Variants in EPS15 observed in about 807,000 individuals in gnomAD.
EPS15 encodes epidermal growth factor receptor substrate 15.
EPS15 carries 72 observed loss-of-function variants against 113.8 expected under a neutral mutation model. The observed-to-expected ratio is 0.63, with a 90% CI of 0.52 to 0.77. EPS15 has a LOEUF of 0.77. Ranked by LOEUF, EPS15 falls within the 30% of genes least tolerant of loss-of-function variation. The pLI, the probability that EPS15 is intolerant of heterozygous loss-of-function variation, is 0.00. For synonymous variants in EPS15, 344 were observed against 363.4 expected, an observed-to-expected ratio of 0.95 and a Z score of 0.61; for missense variants, 1,048 against 1,045.8, an observed-to-expected ratio of 1.00 and a Z score of -0.03.
At chr1:51,478,020 T>C (rs1643945506) in intron 2 of EPS15, among the ~76,000 whole-genome samples, 1 of 152,194 alleles carries the variant, frequency 6.6e-6, no homozygotes, top group African/African-American at 2.4e-5. Flanking sequence ...GTTAACTGTC[T>C]GTCTCACTGA....
chr1:51,502,519 G>A (rs1316790973), intron 1 of EPS15, among the ~76,000 whole-genome samples: 3 of 152,008 alleles, frequency 2.0e-5, no homozygotes, highest in African/African-American at 7.3e-5. Context: ...ATAAGAAATA[G>A]CATCTAGATT....
chr1:51,409,236 T>C (rs1242358625), intron 14 of EPS15, among the ~76,000 whole-genome samples: 2 of 152,134 alleles, frequency 1.3e-5, no homozygotes, highest in Non-Finnish European at 2.9e-5. Flanking sequence ...ATGATGTTTT[T>C]TGATGTATGG....
chr1:51,463,832 TA>T (rs5774101), intron 6 of EPS15, 34 bp from the exon 7 acceptor site: 307,374 of 1,419,742 alleles, frequency 0.22, 40,590 homozygotes, highest in African/African-American at 0.57. Flanking sequence ...AGTTAAATAA[TA>T]AGAGAAAAGG....
At chr1:51,391,803 T>C (rs1351834440) in intron 21 of EPS15, among the ~76,000 whole-genome samples, 1 of 152,202 alleles carries the variant, frequency 6.6e-6, no homozygotes, top group Non-Finnish European at 1.5e-5. Flanking sequence ...ATTTTAGGCC[T>C]GGACAACATT....
chr1:51,495,414 G>C (rs1644308542), intron 1 of EPS15, among the ~76,000 whole-genome samples: 1 of 150,930 alleles, frequency 6.6e-6, no homozygotes, highest in Non-Finnish European at 1.5e-5. Flanking sequence ...CTGGTTTTGG[G>C]AACCATACAG....
intron 8 of EPS15, among the ~76,000 whole-genome samples, chr1:51,451,575 T>C (rs976021808): frequency 1.3e-5 from 2 of 148,370 alleles, no homozygotes; most frequent in Admixed American, 1.3e-4. Context: ...AAATTAGGCA[T>C]AGAATAGGGA....
intron 21 of EPS15, among the ~76,000 whole-genome samples, chr1:51,389,952 T>C (rs1048320857): frequency 2.5e-4 from 35 of 140,656 alleles, no homozygotes; most frequent in Middle Eastern, 7.4e-3. Flanking sequence ...CTTCACAGAA[T>C]TGGAAAAAAC....
chr1:51,449,622 T>C (rs1268746779), intron 8 of EPS15, among the ~76,000 whole-genome samples: 3 of 151,370 alleles, frequency 2.0e-5, no homozygotes, highest in African/African-American at 4.9e-5. Flanking sequence ...TATATTAGGC[T>C]AAGTTTCTTT....
chr1:51,495,257 T>C (rs1644304380), intron 1 of EPS15, among the ~76,000 whole-genome samples: 1 of 152,222 alleles, frequency 6.6e-6, no homozygotes, highest in South Asian at 2.1e-4. Flanking sequence ...TGCTTAAGAC[T>C]GTTAGAATTG....
At chr1:51,507,722 ATGTGTG>A (rs202206045) in intron 1 of EPS15, among the ~76,000 whole-genome samples, 1 of 151,730 alleles carries the variant, frequency 6.6e-6, no homozygotes, top group African/African-American at 2.4e-5. Context: ...ACACATATAT[ATGTGTG>A]TGTGTGTATG....
In EPS15 at chr1:51,444,884, C is replaced by T; in HGVS notation, c.954+5G>A. 6.2e-7 allele frequency: 1 copy of T among 1,611,720 alleles called. No individual in the cohort carries two copies. On this transcript the variant is annotated splice_donor_5th_base_variant and intron_variant, in intron 11 of 24. Transcript: ENST00000371733. ...ACATTCAGGTTTCCTTTTAAGCTTT[C>T]TTACCTTTTGTAAACTGGCCCTGTC... is the stretch of plus-strand genomic sequence containing the variant.
At chr1:51,435,801 C>T (rs1652104081) in intron 12 of EPS15, among the ~76,000 whole-genome samples, 1 of 151,900 alleles carries the variant, frequency 6.6e-6, no homozygotes, top group African/African-American at 2.4e-5. Flanking sequence ...AGAAATACTA[C>T]AATAAACGAA....
intron 11 of EPS15, among the ~76,000 whole-genome samples, chr1:51,443,257 A>G: frequency 6.6e-6 from 1 of 152,042 alleles, no homozygotes; most frequent in East Asian, 1.9e-4. Context: ...CATATCTAAA[A>G]TTTGTGTTGG....
At chr1:51,437,953 A>G (rs2148471221) in intron 12 of EPS15, among the ~76,000 whole-genome samples, 1 of 152,306 alleles carries the variant, frequency 6.6e-6, no homozygotes, top group African/African-American at 2.4e-5. Flanking sequence ...AAGGCTGAAG[A>G]ATTTTAACTT....
intron 12 of EPS15, among the ~76,000 whole-genome samples, chr1:51,427,093 C>T (rs1179949044): frequency 6.6e-6 from 1 of 151,920 alleles, no homozygotes; most frequent in Non-Finnish European, 1.5e-5. Context: ...ATAATAAAAC[C>T]TGTATCTCAC....
At chr1:51,364,268 A>G (rs1326117781) in intron 22 of EPS15, among the ~76,000 whole-genome samples, 1 of 152,188 alleles carries the variant, frequency 6.6e-6, no homozygotes, top group Non-Finnish European at 1.5e-5. Flanking sequence ...AACCAAAAAC[A>G]GCTCAATCTA....
intron 1 of EPS15, among the ~76,000 whole-genome samples, chr1:51,496,926 A>T (rs1207868017): frequency 6.6e-6 from 1 of 152,178 alleles, no homozygotes; most frequent in Non-Finnish European, 1.5e-5. Context: ...TTCGATTCTG[A>T]GTTCTAGAAT....
chr1:51,401,624 C>T (rs1016897057), intron 18 of EPS15, among the ~76,000 whole-genome samples: 1 of 152,184 alleles, frequency 6.6e-6, no homozygotes, highest in African/African-American at 2.4e-5. Context: ...CTGGACTTCA[C>T]CAAAATTGAA....
At chr1:51,362,947 C>T (rs947796620) in intron 23 of EPS15, among the ~76,000 whole-genome samples, 2 of 152,108 alleles carry the variant, frequency 1.3e-5, no homozygotes, top group African/African-American at 4.8e-5. Context: ...CATATACATA[C>T]ACACACATAC....
Sources: allele counts gnomAD v4.1 joint callset (sites outside exome capture counted in the v4.1 genomes callset), GRCh38; gene constraint gnomAD v4.1.1; transcripts MANE v1.5; gene names NCBI Gene and HGNC (gene_info 2026-07-23, HGNC 2026-07-21).